The following FAM180A variants were observed in gnomAD, a reference collection of about 807,000 sequenced individuals.
FAM180A encodes the protein family with sequence similarity 180 member A.
FAM180A carries 14 observed loss-of-function variants against 15.3 expected under a neutral mutation model. The ratio of observed to expected loss-of-function variants is 0.92; its 90% confidence interval spans 0.61 to 1.43. The LOEUF (loss-of-function observed/expected upper bound fraction) is 1.43, where lower values mean the gene tolerates loss of function less well. Among genes scored for constraint, FAM180A ranks in the 40% most tolerant of loss-of-function variants. The pLI is 0.00. For synonymous variants in FAM180A, 90 were observed against 96.8 expected (o/e 0.93, Z 0.41); for missense variants, 200 against 220.8 (o/e 0.91, Z 0.60).
intron 1 of FAM180A, among the ~76,000 whole-genome samples, chr7:135,739,837 T>C (rs1294047164): frequency 6.6e-6 from 1 of 152,130 alleles, no homozygotes; most frequent in East Asian, 1.9e-4. Context: ...ATACCACAAG[T>C]TCCTCAAGGG....
intron 3 of FAM180A, among the ~76,000 whole-genome samples, chr7:135,732,565 C>T (rs3112373): frequency 0.015 from 2,292 of 152,084 alleles, 49 homozygotes; most frequent in African/African-American, 0.048. Context: ...TGGTGGTGCG[C>T]GCCTATAGTC....
chr7:135,730,447 G>A, intron 3 of FAM180A, among the ~76,000 whole-genome samples, 166 bp from the exon 4 acceptor site: 1 of 152,190 alleles, frequency 6.6e-6, no homozygotes, highest in Non-Finnish European at 1.5e-5. Flanking sequence ...GGGAGGCTGA[G>A]GTGGGAGAAT....
chr7:135,744,075 C>G (rs1796994385), intron 1 of FAM180A, among the ~76,000 whole-genome samples: 1 of 152,266 alleles, frequency 6.6e-6, no homozygotes, highest in Non-Finnish European at 1.5e-5. Context: ...AGTGCTGTCC[C>G]CTACCTCCCC....
At chr7:135,730,541 A>G (rs1199847362) in intron 3 of FAM180A, among the ~76,000 whole-genome samples, 1 of 152,204 alleles carries the variant, frequency 6.6e-6, no homozygotes, top group Non-Finnish European at 1.5e-5. Flanking sequence ...ACAAACAAAA[A>G]CAAAACAAAA....
intron 1 of FAM180A, among the ~76,000 whole-genome samples, chr7:135,746,055 G>T (rs1394177727): frequency 1.3e-5 from 2 of 152,068 alleles, no homozygotes; most frequent in Non-Finnish European, 2.9e-5. Context: ...ATTTGATGAT[G>T]GTTGGAGGGA....
chr7:135,739,456 C>T (rs1299435433), intron 1 of FAM180A, among the ~76,000 whole-genome samples: 1 of 149,822 alleles, frequency 6.7e-6, no homozygotes, highest in Non-Finnish European at 1.5e-5. Flanking sequence ...TAAAAAAATA[C>T]AAAAAATTAG....
At chr7:135,748,051 G>A (rs767417310) in intron 1 of FAM180A, among the ~76,000 whole-genome samples, 20 of 152,268 alleles carry the variant, frequency 1.3e-4, no homozygotes, top group African/African-American at 3.6e-4. Context: ...ATCCCCTCCC[G>A]GTGAGGAGGC....
At position 135,734,321 on chromosome 7, in the gene FAM180A, T is replaced by A. The variant is rs1460830345; in HGVS notation, c.178-2A>T. 3 of 1,581,756 alleles carry A rather than the reference T, an allele frequency of 1.9e-6. No individual in the cohort carries two copies. Among genetic ancestry groups the A allele is most frequent in the Non-Finnish European group, 2.6e-6 (3 of 1,162,022 alleles). ...GATCTCAAGTTCGGCCAGCAGGAAC[T>A]GGTGAGAAATGTGGATGTGCAAAAA... is the stretch of plus-strand genomic sequence containing the variant. On this transcript the variant is annotated splice_acceptor_variant, in intron 2 of 3. Transcript: ENST00000338588. LOFTEE classifies it high-confidence loss of function.
chr7:135,733,989 C>G lies in FAM180A; in HGVS notation c.508G>C (p.Gly170Arg). The G allele has an allele frequency of 2.5e-6, 4 of 1,603,450 alleles. No individual in the cohort carries two copies. Among genetic ancestry groups the G allele is most frequent in the Non-Finnish European group, 3.4e-6 (4 of 1,174,084 alleles). Residue 170 changes from glycine to arginine, a missense_variant, in exon 3 of 4, where the codon GGA becomes CGA. Coordinates refer to ENST00000338588, the MANE Select transcript of FAM180A (RefSeq NM_205855.4). ...RHDLMRSSQP[G>R]VPP Reference sequence around the variant, plus strand: ...GGGCCAGTCTCTCAGGGAGGTACTCCCGGCTGTGAGGAGCGCATCAAGTCG... The same window carrying G: ...GGGCCAGTCTCTCAGGGAGGTACTCGCGGCTGTGAGGAGCGCATCAAGTCG...
At position 135,733,730 on chromosome 7, in the gene FAM180A, A is replaced by T; in HGVS notation, c.*245T>A. 1 of 1,324,482 alleles carries T rather than the reference A, an allele frequency of 7.6e-7. No individual in the cohort carries two copies. The allele number at this position is 1,324,482 out of a possible 1,614,324, so 82.0% of individuals were successfully genotyped here. A position where few individuals can be genotyped will look rare whatever the true frequency, so the allele number is the denominator to read the frequency against. On this transcript the variant is annotated 3_prime_UTR_variant, in exon 3 of 4. Transcript: ENST00000338588. ...CTGCCATAGGCAAACCATTCTGCCC[A>T]TGGAGGCGTCTTGAATGACCATTCC...
chr7:135,736,021 CTTTT>C (rs1194298118), intron 2 of FAM180A, among the ~76,000 whole-genome samples: 1 of 134,524 alleles, frequency 7.4e-6, no homozygotes. Flanking sequence ...TCTTTCTTTT[CTTTT>C]TTTTTTTTTC....
chr7:135,740,688 C>T (rs1025443597), intron 1 of FAM180A, among the ~76,000 whole-genome samples: 4 of 152,082 alleles, frequency 2.6e-5, no homozygotes, highest in African/African-American at 9.7e-5. Flanking sequence ...CTGAAGAGAC[C>T]AAGGTCATCA....
chr7:135,739,264 C>T (rs903786349), intron 1 of FAM180A, among the ~76,000 whole-genome samples: 29 of 136,552 alleles, frequency 2.1e-4, no homozygotes, highest in Non-Finnish European at 4.1e-4. Flanking sequence ...GAACCGAGAT[C>T]GTGCCACACT....
At position 135,734,284 on chromosome 7, in the gene FAM180A, C is replaced by T; in HGVS notation, c.213G>A (p.Leu71=). The change falls in exon 3 of 4, where the codon CTG becomes CTA. Residue 71 remains leucine, a synonymous_variant. Coordinates refer to ENST00000338588, the MANE Select transcript of FAM180A (RefSeq NM_205855.4). The part of the protein sequence containing the change: ...LLAELEISPD[L]QISIKDEELA... ...GCTCCTCGTCCTTGATGGAGATCTGCAGGTCAGGGCTGATCTCAAGTTCGG... is the reference window on the plus strand; with the variant it reads ...GCTCCTCGTCCTTGATGGAGATCTGTAGGTCAGGGCTGATCTCAAGTTCGG... 6.2e-7 allele frequency: 1 copy of T among 1,606,760 alleles called. No homozygotes were observed. The highest frequency in any genetic ancestry group is 8.5e-7 in the Non-Finnish European group (1 of 1,175,596).
chr7:135,734,299 C>T lies in FAM180A; in HGVS notation c.198G>A (p.Glu66=). ...TGGAGATCTGCAGGTCAGGGCTGAT[C>T]TCAAGTTCGGCCAGCAGGAACTGGT... The part of the protein sequence containing the change: ...LLYEFLLAEL[E]ISPDLQISIK... Residue 66 remains glutamate (E), a synonymous_variant, in exon 3 of 4, where the codon GAG becomes GAA. Transcript: ENST00000338588. The T allele has an allele frequency of 6.3e-7, 1 of 1,596,202 alleles. No homozygotes were observed.
Position 135,748,513 on chromosome 7 carries a change from C to T in FAM180A, c.68G>A (p.Trp23Ter), listed in dbSNP as rs1476812436. 3.1e-6 allele frequency: 5 copies of T among 1,613,486 alleles called. No homozygotes were observed. Among genetic ancestry groups the T allele is most frequent in the South Asian group, 1.1e-5 (1 of 91,070 alleles). ...YNAEASMCHR[W>*]SRAVLFPAAH... ...AATAAAAAGCAACTCACCCCTGCTCCACCTGTGGCACATAGAAGCCTCAGC... is the reference window on the plus strand; with the variant it reads ...AATAAAAAGCAACTCACCCCTGCTCTACCTGTGGCACATAGAAGCCTCAGC... The change falls in exon 1 of 4, where the codon TGG becomes TAG. Residue 23 changes from tryptophan (W) to a stop codon, truncating the protein, a stop_gained. Coordinates refer to ENST00000338588, the MANE Select transcript of FAM180A (RefSeq NM_205855.4). LOFTEE classifies it high-confidence loss of function.
chr7:135,737,439 C>G (rs1323720428), intron 1 of FAM180A, among the ~76,000 whole-genome samples: 4 of 140,182 alleles, frequency 2.9e-5, no homozygotes, highest in Non-Finnish European at 1.6e-5. Context: ...TTACAAAAAA[C>G]AGCCGGGCAT....
intron 1 of FAM180A, 43 bp downstream of exon 1, chr7:135,748,462 T>C: frequency 6.6e-7 from 1 of 1,514,880 alleles, no homozygotes; most frequent in Non-Finnish European, 9.2e-7. Flanking sequence ...TTGAAGAAAG[T>C]ATAATGAGCA....
intron 1 of FAM180A, among the ~76,000 whole-genome samples, chr7:135,744,757 G>C (rs1050549566): frequency 6.6e-6 from 1 of 152,202 alleles, no homozygotes; most frequent in Non-Finnish European, 1.5e-5. Flanking sequence ...CCTTGCAGCT[G>C]GGGGAGCTGG....
Sources: allele counts gnomAD v4.1 joint callset (sites outside exome capture counted in the v4.1 genomes callset), GRCh38; gene constraint gnomAD v4.1.1; transcripts MANE v1.5; gene names NCBI Gene and HGNC (gene_info 2026-07-23, HGNC 2026-07-21).